DISC1: variants seen among roughly 807,000 people sequenced by gnomAD.
The protein encoded by DISC1 is disrupted in schizophrenia 1 protein.
A neutral mutation model predicts 84.5 loss-of-function variants in DISC1; 57 were observed. The ratio of observed to expected loss-of-function variants is 0.67; its 90% CI spans 0.55 to 0.84. The LOEUF is 0.84. Ranked by LOEUF, DISC1 falls within the 40% of genes least tolerant of loss-of-function variation. DISC1 has a pLI of 0.00. For missense variants in DISC1, 1,000 were observed against 1,057.8 expected, an observed-to-expected ratio of 0.95 and a Z score of 0.76; for synonymous variants, 411 against 415.2, an observed-to-expected ratio of 0.99 and a Z score of 0.12.
intron 10 of DISC1, among the ~76,000 whole-genome samples, chr1:232,006,266 T>G (rs1667427138): frequency 6.6e-6 from 1 of 152,166 alleles, no homozygotes; most frequent in Non-Finnish European, 1.5e-5. Flanking sequence ...TGGAACTGTT[T>G]GGAGGGCTCA....
At chr1:231,809,608 A>G (rs1284703910) in intron 8 of DISC1, among the ~76,000 whole-genome samples, 2 of 150,712 alleles carry the variant, frequency 1.3e-5, no homozygotes, top group Non-Finnish European at 2.9e-5. Flanking sequence ...AAATGTATTC[A>G]TTGCACACAA....
At chr1:232,036,537 T>C (rs977173522) in intron 12 of DISC1, among the ~76,000 whole-genome samples, 155 bp from the exon 13 acceptor site, 1 of 152,248 alleles carries the variant, frequency 6.6e-6, no homozygotes. Flanking sequence ...GTAAAGTTTA[T>C]ATTAATATTT....
At chr1:231,940,124 A>G (rs2126128800) in intron 9 of DISC1, among the ~76,000 whole-genome samples, 1 of 152,230 alleles carries the variant, frequency 6.6e-6, no homozygotes, top group East Asian at 1.9e-4. Flanking sequence ...ACCTCCACTG[A>G]GAAAGTGCCT....
intron 6 of DISC1, among the ~76,000 whole-genome samples, chr1:231,779,592 G>T (rs146017680): frequency 5.3e-4 from 62 of 117,824 alleles, no homozygotes; most frequent in Non-Finnish European, 8.4e-4. Context: ...ATGGAGTCTC[G>T]CTCTGTCGCC....
At chr1:231,852,109 G>A (rs560093558) in intron 9 of DISC1, among the ~76,000 whole-genome samples, 1 of 152,238 alleles carries the variant, frequency 6.6e-6, no homozygotes, top group South Asian at 2.1e-4. Flanking sequence ...GAAAGGTTTG[G>A]TAACTTGCTC....
chr1:231,635,427 TCAATAATG>T (rs745455275), intron 1 of DISC1, among the ~76,000 whole-genome samples: 1 of 152,124 alleles, frequency 6.6e-6, no homozygotes, highest in Non-Finnish European at 1.5e-5. Flanking sequence ...ACCTAGCAAA[TCAATAATG>T]CTTCTCAGCC....
At position 231,694,761 on chromosome 1, in the gene DISC1, C is replaced by G. The variant is rs1186512909; in HGVS notation, c.1003C>G (p.Pro335Ala). Residue 335 changes from proline to alanine, a missense_variant, in exon 2 of 13, where the codon CCA (proline) becomes GCA (alanine). Pro to Ala is a conservative substitution (Grantham distance 27). Coordinates refer to ENST00000439617, the MANE Select transcript of DISC1 (RefSeq NM_018662.3). ...SWDTLLRKWE[P>A]VLRDCLLRNR... is the part of the protein sequence containing the mutation. ...GGACACCCTGCTCAGGAAATGGGAGCCAGTGCTGCGGGACTGCCTGCTGAG... is the reference window on the plus strand; with the variant it reads ...GGACACCCTGCTCAGGAAATGGGAGGCAGTGCTGCGGGACTGCCTGCTGAG... The G allele has an allele frequency of 6.2e-7, 1 of 1,614,024 alleles. No homozygotes were observed. Among genetic ancestry groups the G allele is most frequent in the East Asian group, 2.2e-5 (1 of 44,878 alleles).
chr1:231,946,583 T>C (rs1657266471), intron 9 of DISC1, among the ~76,000 whole-genome samples: 1 of 152,146 alleles, frequency 6.6e-6, no homozygotes, highest in Non-Finnish European at 1.5e-5. Context: ...ACCACTCCTA[T>C]TCAACATAGT....
chr1:231,967,667 A>G (rs1216625988), intron 10 of DISC1, among the ~76,000 whole-genome samples: 1 of 152,236 alleles, frequency 6.6e-6, no homozygotes, highest in Non-Finnish European at 1.5e-5. Flanking sequence ...TACAAGAGAA[A>G]CAATGATTTA....
chr1:232,024,484 G>A (rs1669260077), intron 11 of DISC1, among the ~76,000 whole-genome samples: 1 of 152,184 alleles, frequency 6.6e-6, no homozygotes, highest in Non-Finnish European at 1.5e-5. Context: ...CTTTTTAACA[G>A]TGACTATTAC....
chr1:231,952,691 T>TTA (rs60722025), intron 9 of DISC1, among the ~76,000 whole-genome samples: 6,832 of 141,684 alleles, frequency 0.048, 177 homozygotes, highest in Middle Eastern at 0.1. Flanking sequence ...ATATATATGT[T>TTA]TATATATATA....
At chr1:231,807,572 A>C (rs1174313851) in intron 8 of DISC1, among the ~76,000 whole-genome samples, 1 of 152,210 alleles carries the variant, frequency 6.6e-6, no homozygotes. Context: ...TCACTTGTTA[A>C]GATTTTCATC....
chr1:231,975,608 A>C (rs1394311896), intron 10 of DISC1, among the ~76,000 whole-genome samples: 4 of 152,234 alleles, frequency 2.6e-5, no homozygotes, highest in Admixed American at 6.5e-5. Flanking sequence ...TACACAATGA[A>C]ATACATAAAA....
At chr1:231,946,709 A>C (rs1031293256) in intron 9 of DISC1, among the ~76,000 whole-genome samples, 6 of 152,198 alleles carry the variant, frequency 3.9e-5, no homozygotes, top group Non-Finnish European at 8.8e-5. Context: ...ATATTAAAAA[A>C]ACTCCGTAGT....
At chr1:231,865,657 G>A (rs2085002741) in intron 9 of DISC1, among the ~76,000 whole-genome samples, 1 of 152,100 alleles carries the variant, frequency 6.6e-6, no homozygotes, top group South Asian at 2.1e-4. Flanking sequence ...TTCTGTCTCT[G>A]AATTTGACTA....
intron 1 of DISC1, among the ~76,000 whole-genome samples, chr1:231,682,309 G>A (rs2125560906): frequency 6.6e-6 from 1 of 152,300 alleles, no homozygotes; most frequent in East Asian, 1.9e-4. Context: ...TGGCACATCT[G>A]TTTTGGGCAG....
At chr1:231,634,173 C>CGCGCCT (rs1449154326) in intron 1 of DISC1, among the ~76,000 whole-genome samples, 1 of 152,000 alleles carries the variant, frequency 6.6e-6, no homozygotes, top group Non-Finnish European at 1.5e-5. Context: ...AGTGAGCCAC[C>CGCGCCT]GCGCCTGGCC....
intron 1 of DISC1, among the ~76,000 whole-genome samples, chr1:231,663,250 A>G (rs953209293): frequency 6.6e-6 from 1 of 152,256 alleles, no homozygotes; most frequent in Non-Finnish European, 1.5e-5. Context: ...AAAAGGGTCA[A>G]TTTACCTAGA....
intron 1 of DISC1, among the ~76,000 whole-genome samples, chr1:231,692,743 AAG>A (rs2065200658): frequency 6.6e-6 from 1 of 152,200 alleles, no homozygotes; most frequent in South Asian, 2.1e-4. Flanking sequence ...CAGTAGAGTC[AAG>A]AGACTTTGTC....
Sources: allele counts gnomAD v4.1 joint callset (sites outside exome capture counted in the v4.1 genomes callset), GRCh38; gene constraint gnomAD v4.1.1; transcripts MANE v1.5; gene names NCBI Gene and HGNC (gene_info 2026-07-23, HGNC 2026-07-21).